TP73: variants seen among roughly 807,000 people sequenced by gnomAD.
TP73 encodes the protein p53-like transcription factor.
TP73 carries 25 observed loss-of-function variants against 62.5 expected under a neutral mutation model. The ratio of observed to expected loss-of-function variants is 0.40; its 90% CI spans 0.29 to 0.56. TP73 has a LOEUF of 0.56. Ranked by LOEUF, TP73 falls within the 20% of genes least tolerant of loss-of-function variation. The pLI is 0.46. For missense variants in TP73, 754 were observed against 913.3 expected, an observed-to-expected ratio of 0.83 and a Z score of 2.25; for synonymous variants, 423 against 377.5, an observed-to-expected ratio of 1.12 and a Z score of -1.40.
chr1:3,716,211 T>C (rs973415562), intron 4 of TP73, among the ~76,000 whole-genome samples: 5 of 152,208 alleles, frequency 3.3e-5, no homozygotes, highest in African/African-American at 7.2e-5. Flanking sequence ...TCATCCTCCA[T>C]AGAGCTCCTG....
intron 13 of TP73, 24 bp from the exon 14 acceptor site, chr1:3,732,723 C>T (rs1642230119): frequency 6.5e-7 from 1 of 1,547,150 alleles, no homozygotes; most frequent in Admixed American, 1.9e-5. Context: ...TGCCCCCTGC[C>T]CCTAATGCGC....
rs538810651 is a variant in TP73 at position 3,708,183 on chromosome 1, C to T, written c.429+392C>T. 2.8e-5 allele frequency: 7 copies of T among 246,080 alleles called. No individual in the cohort carries two copies. In the South Asian group the frequency reaches 5.3e-4, roughly 19 times the overall value. The allele number at this position is 246,080 out of a possible 1,614,324, so 15.2% of individuals were successfully genotyped here. On this transcript the variant is annotated intron_variant, in intron 4 of 13. Coordinates refer to ENST00000378295, the MANE Select transcript of TP73 (RefSeq NM_005427.4). ...GTCTGTCCGAGACAGGCCCACAGCC[C>T]TAGGGTCTGCAGAACCTGCCTCCTC...
rs1033588900 is a variant in TP73 at position 3,721,931 on chromosome 1, TGGG to T, written c.430-88_430-86del. 338 of 1,384,688 alleles carry T rather than the reference TGGG, an allele frequency of 2.4e-4. 1 individual carries two copies. The highest frequency in any genetic ancestry group is 3.0e-4 in the Non-Finnish European group (310 of 1,017,750). 85.8% of individuals were successfully genotyped at this position (1,384,688 alleles called of 1,614,324 possible). On this transcript the variant is annotated intron_variant, in intron 4 of 13. Coordinates refer to ENST00000378295, the MANE Select transcript of TP73 (RefSeq NM_005427.4). ...CTGGGGGTTGTGGAAGGGGCACCCA[TGGG>T]GAGGACGTGGCTCCCAATGGGGGGT...
chr1:3,690,094 G>C (rs1426710296), intron 3 of TP73, among the ~76,000 whole-genome samples: 1 of 152,196 alleles, frequency 6.6e-6, no homozygotes, highest in East Asian at 1.9e-4. Flanking sequence ...GCTTGTCCCT[G>C]TTTCCTGGGG....
rs1427548452 is a variant in TP73, at chr1:3,663,998, C to G, written c.-34+11357C>G. 6.6e-6 allele frequency among the ~76,000 whole-genome samples: 1 copy of G among 152,220 alleles called. No homozygotes were observed. The highest frequency in any genetic ancestry group is 1.5e-5 in the Non-Finnish European group (1 of 68,040). The stretch of plus-strand genomic sequence containing the variant: ...GGCCGGCCCCCCTCCCTCCATGCCA[C>G]AGGCTCTCTGGAGAGGCCACTGCTG... On this transcript the variant is annotated intron_variant, in intron 1 of 13. Coordinates refer to ENST00000378295, the MANE Select transcript of TP73 (RefSeq NM_005427.4). This position sits in a 1 kb window ranked among gnomAD's most constrained non-coding sequence, Gnocchi z 4.7.
rs572453969 is a variant in TP73, at chr1:3,713,824, G to A, written c.429+6033G>A. On this transcript the variant is annotated intron_variant, in intron 4 of 13. Transcript: ENST00000378295. ...AGATTACGTGGCGGCCGAGGCTGGT[G>A]TCCACAGCCAGGGGTTACGATGGGG... Among the ~76,000 whole-genome samples the A allele has an allele frequency of 2.6e-5, 4 of 152,344 alleles. No homozygotes were observed. In the East Asian group the frequency reaches 7.7e-4, roughly 29 times the overall value.
Position 3,733,234 on chromosome 1 carries a change from C to A in TP73, c.*155C>A. 1.1e-6 allele frequency: 1 copy of A among 933,382 alleles called. No homozygotes were observed. Among genetic ancestry groups the A allele is most frequent in the South Asian group, 1.8e-5 (1 of 57,032 alleles). The allele number at this position is 933,382 out of a possible 1,614,324, so 57.8% of individuals were successfully genotyped here. A position where few individuals can be genotyped will look rare whatever the true frequency, so the allele number is the denominator to read the frequency against. ...GCCCATCCCCAGGCACCTCACAGGC[C>A]CCAGGAAAGGCCCAGCCACCGAAGC... On this transcript the variant is annotated 3_prime_UTR_variant, in exon 14 of 14. Transcript: ENST00000378295.
At chr1:3,719,860 A>G (rs1178365701) in intron 4 of TP73, among the ~76,000 whole-genome samples, 1 of 149,530 alleles carries the variant, frequency 6.7e-6, no homozygotes, top group Non-Finnish European at 1.5e-5. Context: ...CTAGCTCTGC[A>G]AGGCTGTTTC....
rs755446376 is a variant in TP73 at position 3,707,660 on chromosome 1, G to A, written c.298G>A (p.Ala100Thr). 22 of 1,612,930 alleles carry A rather than the reference G, an allele frequency of 1.4e-5. No homozygotes were observed. The South Asian group carries it at 1.5e-4, about 11-fold the overall frequency. ...AASVPTHSPY[A>T]QPSSTFDTMS... ...CAGCGTGCCCACCCACTCGCCCTAC[G>A]CACAACCCAGCTCCACCTTCGACAC... Residue 100 changes from alanine to threonine, a missense_variant, in exon 4 of 14, where the codon GCA becomes ACA. Physicochemically the swap from Ala to Thr is moderately conservative, Grantham distance 58. Coordinates refer to ENST00000378295, the MANE Select transcript of TP73 (RefSeq NM_005427.4).
intron 1 of TP73, among the ~76,000 whole-genome samples, chr1:3,664,487 G>A (rs530617559): frequency 5.3e-5 from 8 of 152,332 alleles, no homozygotes; most frequent in Admixed American, 2.6e-4. Context: ...AAAGGGCAGG[G>A]AAGCTCCTGC....
rs371955663 is a variant in TP73, at chr1:3,707,629, C to T, written c.267C>T (p.His89=). Reference sequence around the variant, plus strand: ...CGGCCAGCCCCTACACCCCAGAGCACGCCGCCAGCGTGCCCACCCACTCGC... The same window carrying T: ...CGGCCAGCCCCTACACCCCAGAGCATGCCGCCAGCGTGCCCACCCACTCGC... The part of the protein sequence containing the change: ...AASASPYTPE[H]AASVPTHSPY... The change falls in exon 4 of 14, where the codon CAC becomes CAT. Residue 89 remains histidine, a synonymous_variant. Transcript: ENST00000378295. 283 of 1,612,830 alleles carry T rather than the reference C, an allele frequency of 1.8e-4. 1 individual carries two copies. Among genetic ancestry groups the T allele is most frequent in the South Asian group, 2.5e-4 (23 of 91,084 alleles).
At chr1:3,688,338 C>T (rs758826106) in intron 3 of TP73, among the ~76,000 whole-genome samples, 14 of 152,194 alleles carry the variant, frequency 9.2e-5, no homozygotes, top group Non-Finnish European at 2.1e-4. Context: ...AAGCCAGCTG[C>T]CCAGCAGGGA....
chr1:3,690,015 C>T lies in TP73; in HGVS notation c.186+6835C>T, dbSNP rs537003220. ...TGCGGGGCACCACTGCAGAGCCCCT[C>T]CCTGGCTGTGCCAAGGCCGTCCACG... On this transcript the variant is annotated intron_variant, in intron 3 of 13. Transcript: ENST00000378295. Among the ~76,000 whole-genome samples, 3 of 152,358 alleles carry T rather than the reference C, an allele frequency of 2.0e-5. No individual in the cohort carries two copies. In the East Asian group the frequency reaches 5.8e-4, roughly 29 times the overall value.
intron 3 of TP73, among the ~76,000 whole-genome samples, chr1:3,705,238 G>A (rs991017201): frequency 2.0e-5 from 3 of 152,246 alleles, no homozygotes; most frequent in Admixed American, 1.3e-4. Flanking sequence ...GCAGCGTGTG[G>A]GAGCTTCCTT....
intron 4 of TP73, among the ~76,000 whole-genome samples, chr1:3,720,642 C>T (rs1033801804): frequency 1.3e-5 from 2 of 152,242 alleles, no homozygotes; most frequent in African/African-American, 4.8e-5. Flanking sequence ...TCGCAGCCTC[C>T]GTCAGCTCCA....
Position 3,663,533 on chromosome 1 carries a change from G to T in TP73, c.-34+10892G>T, listed in dbSNP as rs1408601568. ...GATCGAGACTATACTGGCTCACACG[G>T]TGAAACCCCATCTCTACTAAAAAAT... is the stretch of plus-strand genomic sequence containing the variant. On this transcript the variant is annotated intron_variant, in intron 1 of 13. Transcript: ENST00000378295. This position sits in a 1 kb window ranked among gnomAD's most constrained non-coding sequence, Gnocchi z 4.7. Among the ~76,000 whole-genome samples, 1 of 152,016 alleles carries T rather than the reference G, an allele frequency of 6.6e-6. No homozygotes were observed. The highest frequency in any genetic ancestry group is 1.5e-5 in the Non-Finnish European group (1 of 67,990).
intron 4 of TP73, among the ~76,000 whole-genome samples, chr1:3,719,495 C>T (rs1482101729): frequency 2.6e-5 from 4 of 152,224 alleles, no homozygotes; most frequent in Non-Finnish European, 4.4e-5. Context: ...GGAGACCAGG[C>T]GTGGTGTGTA....
chr1:3,669,095 C>A (rs74393281), intron 1 of TP73, among the ~76,000 whole-genome samples: 2 of 152,220 alleles, frequency 1.3e-5, no homozygotes, highest in Non-Finnish European at 2.9e-5. Context: ...CGCCCGCCTG[C>A]GGGAGCCAGG....
At chr1:3,725,461 G>GGGGT (rs1344289279) in intron 6 of TP73, among the ~76,000 whole-genome samples, 1 of 147,122 alleles carries the variant, frequency 6.8e-6, no homozygotes, top group Non-Finnish European at 1.5e-5. Flanking sequence ...ATGGATAAAT[G>GGGGT]GGGTGGGTGG....
Sources: allele counts gnomAD v4.1 joint callset (sites outside exome capture counted in the v4.1 genomes callset), GRCh38; gene constraint gnomAD v4.1.1; non-coding constraint Gnocchi (gnomAD v3.1); transcripts MANE v1.5; gene names NCBI Gene and HGNC (gene_info 2026-07-23, HGNC 2026-07-21).